Variants in USP35 observed in about 807,000 individuals in gnomAD.
USP35 encodes ubiquitin carboxyl-terminal hydrolase 35.
USP35 carries 69 observed loss-of-function variants against 83.8 expected under a neutral mutation model. That is an observed-to-expected ratio of 0.82 (90% CI 0.68 to 1.01). USP35 has a LOEUF of 1.01. USP35 is among the 50% of genes least tolerant of loss of function. The pLI is 0.00. For synonymous variants in USP35, 714 were observed against 589.5 expected, an observed-to-expected ratio of 1.21 and a Z score of -3.06; for missense variants, 1,503 against 1,362.5, an observed-to-expected ratio of 1.10 and a Z score of -1.62.
chr11:78,223,495 G>A, the USP35 span: 13 of 1,610,844 alleles, frequency 8.1e-6, no homozygotes, highest in Non-Finnish European at 1.1e-5. Flanking sequence ...CACAGGAAGG[G>A]TTGTTGATGG....
intron 3 of USP35, 87 bp from the exon 4 acceptor site, chr11:78,199,508 A>C: frequency 6.3e-7 from 1 of 1,580,036 alleles, no homozygotes; most frequent in South Asian, 1.2e-5. Context: ...GTGGGAACCC[A>C]GGACATTACG....
At chr11:78,224,081 C>CAAAAAAT in the USP35 span, among the ~76,000 whole-genome samples, 2 of 151,302 alleles carry the variant, frequency 1.3e-5, no homozygotes, top group Non-Finnish European at 2.9e-5. Flanking sequence ...GACTCTGTTT[C>CAAAAAAT]AAAAAATAAA....
At chr11:78,203,959 C>T (rs1455616297) in intron 6 of USP35, among the ~76,000 whole-genome samples, 25 of 138,616 alleles carry the variant, frequency 1.8e-4, no homozygotes, top group Non-Finnish European at 2.9e-4. Context: ...GGCGGGATCT[C>T]GGCTCACTGC....
intron 10 of USP35, among the ~76,000 whole-genome samples, chr11:78,212,180 CATTT>C (rs1590920005): frequency 6.6e-6 from 1 of 152,172 alleles, no homozygotes; most frequent in African/African-American, 2.4e-5. Context: ...CTTCCAGCAA[CATTT>C]ATTAAACAGG....
At chr11:78,199,293 G>C in intron 3 of USP35, 1 of 345,950 alleles carries the variant, frequency 2.9e-6, no homozygotes, top group Non-Finnish European at 5.5e-6. Context: ...TGCCCTTCCA[G>C]GCAGAAGCAG....
downstream of USP35, chr11:78,216,082 G>C (rs976793109): frequency 6.5e-6 from 1 of 152,710 alleles, no homozygotes; most frequent in African/African-American, 2.4e-5. Flanking sequence ...TTACAGAGGA[G>C]GGAGTCTCCC....
the USP35 span, among the ~76,000 whole-genome samples, chr11:78,226,063 CA>C: frequency 6.6e-6 from 1 of 152,200 alleles, no homozygotes; most frequent in Non-Finnish European, 1.5e-5. Context: ...TTTGCTTTAG[CA>C]GTCTGTTAGT....
chr11:78,234,552 T>C, the USP35 span, among the ~76,000 whole-genome samples: 3 of 148,700 alleles, frequency 2.0e-5, no homozygotes, highest in Non-Finnish European at 4.5e-5. Flanking sequence ...CATTGGCATC[T>C]ATATATTTAT....
chr11:78,198,687 G>A, intron 3 of USP35: 1 of 985,366 alleles, frequency 1.0e-6, no homozygotes, highest in Non-Finnish European at 1.2e-6. Context: ...TGGATTCCTT[G>A]CCTTTAGTGG....
intron 1 of USP35, among the ~76,000 whole-genome samples, chr11:78,195,833 C>G (rs557054492): frequency 6.6e-6 from 1 of 152,142 alleles, no homozygotes; most frequent in Non-Finnish European, 1.5e-5. Flanking sequence ...CAGGCCCAAG[C>G]GAGCCTCCCA....
At position 78,209,734 on chromosome 11, in the gene USP35, C is replaced by A. The variant is rs763545640; in HGVS notation, c.1879C>A (p.Pro627Thr). 1 of 1,614,030 alleles carries A rather than the reference C, an allele frequency of 6.2e-7. No individual in the cohort carries two copies. Among genetic ancestry groups the A allele is most frequent in the South Asian group, 1.1e-5 (1 of 91,076 alleles). Residue 627 changes from proline (P) to threonine (T), a missense_variant, in exon 10 of 11, where the codon CCC (proline) becomes ACC (threonine). Physicochemically the swap from Pro to Thr is conservative, Grantham distance 38. Coordinates refer to ENST00000529308, the MANE Select transcript of USP35 (RefSeq NM_020798.4). Reference sequence around the variant, plus strand: ...AGAAGACATCACAGCCCGGGAGTTGCCCCCACCAACCAGTGCACAGGGGCC... The same window carrying A: ...AGAAGACATCACAGCCCGGGAGTTGACCCCACCAACCAGTGCACAGGGGCC... ...PTEDITAREL[P>T]PPTSAQGPGR...
downstream of USP35, among the ~76,000 whole-genome samples, chr11:78,219,811 C>G (rs1864330435): frequency 6.6e-6 from 1 of 152,158 alleles, no homozygotes; most frequent in African/African-American, 2.4e-5. Flanking sequence ...GTGCTGTGCT[C>G]ACTGCCACCC....
chr11:78,191,326 G>A (rs1354258007), intron 1 of USP35, among the ~76,000 whole-genome samples: 2 of 152,226 alleles, frequency 1.3e-5, no homozygotes, highest in African/African-American at 4.8e-5. Context: ...GGATTTTCCT[G>A]AGTGCTCACT....
the USP35 span, chr11:78,226,773 T>C: frequency 6.2e-7 from 1 of 1,614,118 alleles, no homozygotes; most frequent in East Asian, 2.2e-5. Context: ...GCACAGGGTG[T>C]TGCTGGGCGT....
chr11:78,232,331 C>T, the USP35 span, among the ~76,000 whole-genome samples: 1 of 152,298 alleles, frequency 6.6e-6, no homozygotes, highest in Non-Finnish European at 1.5e-5. Flanking sequence ...CTTTTCAGGG[C>T]ATGTGACTCA....
rs983399335 is a variant in USP35, at chr11:78,196,782, C to T, written c.537C>T (p.Ala179=). 3.9e-6 allele frequency: 6 copies of T among 1,533,670 alleles called. No homozygotes were observed. In the African/African-American group the frequency reaches 6.9e-5, roughly 18 times the overall value. ...GCCTCGGCCGCTTCCGCTGCCCAGC[C>T]GAAGGCGAGGAGGGCGCCGTGGAGT... The part of the protein sequence containing the change: ...VRCLGRFRCP[A]EGEEGAVEFL... Residue 179 remains alanine (A), a synonymous_variant, in exon 2 of 11, where the codon GCC becomes GCT. Transcript: ENST00000529308. This position sits in a 1 kb window ranked among gnomAD's most constrained non-coding sequence, Gnocchi z 4.8.
chr11:78,210,847 A>G (rs1390969340), intron 10 of USP35, 103 bp downstream of exon 10: 1 of 1,247,854 alleles, frequency 8.0e-7, no homozygotes, highest in Non-Finnish European at 1.1e-6. Flanking sequence ...TTTTTTGTAA[A>G]TCCCATTCAT....
chr11:78,212,715 A>G (rs539358843), intron 10 of USP35, among the ~76,000 whole-genome samples: 5 of 152,306 alleles, frequency 3.3e-5, no homozygotes, highest in African/African-American at 1.2e-4. Flanking sequence ...TAGGAATGCT[A>G]GCAATTTTTG....
the USP35 span, among the ~76,000 whole-genome samples, chr11:78,236,208 G>A: frequency 3.9e-5 from 6 of 152,068 alleles, no homozygotes; most frequent in Admixed American, 1.3e-4. Flanking sequence ...GGTACCATTC[G>A]ATATATAATT....
Sources: allele counts gnomAD v4.1 joint callset (sites outside exome capture counted in the v4.1 genomes callset), GRCh38; gene constraint gnomAD v4.1.1; non-coding constraint Gnocchi (gnomAD v3.1); transcripts MANE v1.5; gene names NCBI Gene and HGNC (gene_info 2026-07-23, HGNC 2026-07-21).